Variants in SV2C observed in about 807,000 individuals in gnomAD.
SV2C encodes solute carrier family 22 member B3.
Under a neutral mutation model 79.7 loss-of-function variants are expected in SV2C, and 49 were observed. That is an observed-to-expected ratio of 0.61 (90% CI 0.49 to 0.78). SV2C has a LOEUF of 0.78. Ranked by LOEUF, SV2C falls within the 30% of genes least tolerant of loss-of-function variation. SV2C has a pLI of 0.00. For synonymous variants in SV2C, 334 were observed against 333.2 expected (o/e 1.00, Z -0.03); for missense variants, 833 against 912.9 (o/e 0.91, Z 1.13).
At chr5:76,236,284 C>G (rs1473152553) in intron 4 of SV2C, among the ~76,000 whole-genome samples, 1 of 145,336 alleles carries the variant, frequency 6.9e-6, no homozygotes. Context: ...ATCAAATACA[C>G]TAGGCCTGGG....
At chr5:75,977,671 C>T in the SV2C span, among the ~76,000 whole-genome samples, 4 of 152,298 alleles carry the variant, frequency 2.6e-5, no homozygotes, top group South Asian at 2.1e-4. Flanking sequence ...ACAAAGAACC[C>T]ATCAAAGGCA....
the SV2C span, among the ~76,000 whole-genome samples, chr5:75,972,768 G>T: frequency 6.6e-6 from 1 of 152,030 alleles, no homozygotes; most frequent in Non-Finnish European, 1.5e-5. Context: ...AGTCCGTGTG[G>T]CAATTCCTCA....
chr5:75,954,355 C>A, the SV2C span, among the ~76,000 whole-genome samples: 2 of 151,980 alleles, frequency 1.3e-5, no homozygotes, highest in Admixed American at 1.3e-4. Flanking sequence ...AAGAGCCTAT[C>A]ATCTCTTGTC....
chr5:76,049,854 C>T, the SV2C span, among the ~76,000 whole-genome samples: 74 of 152,276 alleles, frequency 4.9e-4, no homozygotes, highest in African/African-American at 1.6e-3. Flanking sequence ...AGTTACATCA[C>T]GTGGCTTTAG....
the SV2C span, among the ~76,000 whole-genome samples, chr5:75,954,044 A>T: frequency 1.3e-5 from 2 of 151,962 alleles, no homozygotes; most frequent in African/African-American, 4.8e-5. Flanking sequence ...CTTAGTGACA[A>T]TAAGGAGCCT....
At chr5:76,176,250 G>A (rs1450313481) in intron 2 of SV2C, among the ~76,000 whole-genome samples, 3 of 152,138 alleles carry the variant, frequency 2.0e-5, no homozygotes, top group Admixed American at 6.5e-5. Flanking sequence ...CTCAGTTCGG[G>A]GGAGAATGGT....
At chr5:75,857,378 T>C in the SV2C span, among the ~76,000 whole-genome samples, 1 of 152,168 alleles carries the variant, frequency 6.6e-6, no homozygotes, top group East Asian at 1.9e-4. Context: ...CCTCTCCCCA[T>C]TGTTTGTTCT....
chr5:76,264,568 A>G (rs987944804), intron 4 of SV2C, among the ~76,000 whole-genome samples: 1 of 152,114 alleles, frequency 6.6e-6, no homozygotes, highest in East Asian at 1.9e-4. Context: ...GTCTTCATGG[A>G]TTTATCTACC....
At chr5:76,336,210 G>C (rs1428845689), downstream of SV2C, among the ~76,000 whole-genome samples, 1 of 151,690 alleles carries the variant, frequency 6.6e-6, no homozygotes, top group South Asian at 2.1e-4. Context: ...TCACTTCCCA[G>C]ACGGGGTGGC....
At chr5:75,862,672 G>A in the SV2C span, among the ~76,000 whole-genome samples, 1 of 152,146 alleles carries the variant, frequency 6.6e-6, no homozygotes, top group African/African-American at 2.4e-5. Context: ...ACTTACCGCT[G>A]GAGAAGATGG....
rs1356341221 is a variant in SV2C at position 76,174,271 on chromosome 5, G to A, written c.581-20648G>A. On this transcript the variant is annotated intron_variant, in intron 2 of 12. Transcript: ENST00000502798. ...GCCAGCGTCGCCCCGTGCTCCCCGC[G>A]GGTCGCTACTCTAGGCGCCACGGCG... The A allele has an allele frequency of 3.7e-6, 5 of 1,359,764 alleles. No individual in the cohort carries two copies. In the African/African-American group the frequency reaches 5.8e-5, roughly 16 times the overall value. 84.2% of individuals were successfully genotyped at this position (1,359,764 alleles called of 1,614,324 possible).
chr5:76,272,892 T>C (rs141923486), intron 4 of SV2C, among the ~76,000 whole-genome samples: 43 of 152,210 alleles, frequency 2.8e-4, no homozygotes, highest in African/African-American at 9.6e-4. Context: ...GCTAATATAA[T>C]AGTTTATATA....
At chr5:75,860,671 A>G in the SV2C span, among the ~76,000 whole-genome samples, 1 of 152,218 alleles carries the variant, frequency 6.6e-6, no homozygotes, top group African/African-American at 2.4e-5. Flanking sequence ...GAGGGATCAC[A>G]TTACCTAACT....
At chr5:76,190,682 G>A (rs116292747) in intron 2 of SV2C, among the ~76,000 whole-genome samples, 1 of 152,124 alleles carries the variant, frequency 6.6e-6, no homozygotes, top group Non-Finnish European at 1.5e-5. Context: ...GTGTGTCACT[G>A]GGCCTCTATT....
the SV2C span, among the ~76,000 whole-genome samples, chr5:75,868,071 G>A: frequency 6.6e-6 from 1 of 152,186 alleles, no homozygotes. Flanking sequence ...GAAGGGCCAG[G>A]ACATCAAGGA....
the SV2C span, among the ~76,000 whole-genome samples, chr5:75,899,888 C>A: frequency 6.6e-6 from 1 of 152,018 alleles, no homozygotes; most frequent in Non-Finnish European, 1.5e-5. Flanking sequence ...AGGATTGCAA[C>A]CCCTGCCTTT....
At chr5:75,949,441 T>A in the SV2C span, among the ~76,000 whole-genome samples, 3 of 151,818 alleles carry the variant, frequency 2.0e-5, no homozygotes, top group Non-Finnish European at 4.4e-5. Flanking sequence ...TGGAGACTGG[T>A]GTAGTAATTT....
chr5:76,175,200 A>C (rs1743485023), intron 2 of SV2C, among the ~76,000 whole-genome samples: 1 of 151,394 alleles, frequency 6.6e-6, no homozygotes, highest in Non-Finnish European at 1.5e-5. Flanking sequence ...GCCTTCACAG[A>C]ATCAGAGCTC....
chr5:76,148,105 C>T (rs1227608760), intron 2 of SV2C, among the ~76,000 whole-genome samples: 2 of 152,160 alleles, frequency 1.3e-5, no homozygotes, highest in African/African-American at 4.8e-5. Context: ...CTTGGTTTTA[C>T]AACCGGGCTT....
Sources: gnomAD v4.1 joint callset for allele counts (sites outside exome capture counted in the v4.1 genomes callset) on GRCh38, gnomAD v4.1.1 for gene constraint, MANE v1.5 for transcripts, NCBI Gene and HGNC (gene_info 2026-07-23, HGNC 2026-07-21) for gene names.